Variants in MRTFB observed in about 807,000 individuals in gnomAD.
MRTFB encodes the protein myocardin-related transcription factor B.
Under a neutral mutation model 104.2 loss-of-function variants are expected in MRTFB, and 29 were observed. The observed-to-expected ratio is 0.28, with a 90% confidence interval of 0.21 to 0.38. MRTFB has a LOEUF of 0.38. MRTFB is among the 10% of genes least tolerant of loss of function. The probability of loss-of-function intolerance (pLI) is 1.00; values close to 1 mark genes in which losing one functional copy is unlikely to be tolerated. For synonymous variants in MRTFB, 535 were observed against 519.5 expected, an observed-to-expected ratio of 1.03 and a Z score of -0.41; for missense variants, 1,270 against 1,341.6, an observed-to-expected ratio of 0.95 and a Z score of 0.83.
intron 6 of MRTFB, among the ~76,000 whole-genome samples, chr16:14,215,580 A>C (rs1236229330): frequency 2.6e-5 from 4 of 152,258 alleles, no homozygotes; most frequent in African/African-American, 9.6e-5. Flanking sequence ...AGAGAGGAGA[A>C]AGACAGAAGT....
At chr16:14,045,163 GC>G in the MRTFB span, among the ~76,000 whole-genome samples, 2 of 152,054 alleles carry the variant, frequency 1.3e-5, no homozygotes, top group Non-Finnish European at 2.9e-5. Context: ...CCCTCCGTAG[GC>G]TACCTGGAAC....
At chr16:14,172,865 A>G (rs530659785) in intron 3 of MRTFB, among the ~76,000 whole-genome samples, 32 of 152,212 alleles carry the variant, frequency 2.1e-4, no homozygotes, top group Non-Finnish European at 3.8e-4. Flanking sequence ...GAACTTTTCA[A>G]TTTTTAGAGT....
chr16:14,245,438 T>G (rs1400145614), intron 10 of MRTFB, 90 bp from the exon 11 acceptor site: 1 of 1,119,914 alleles, frequency 8.9e-7, no homozygotes, highest in African/African-American at 1.6e-5. Flanking sequence ...GGTATTTTTC[T>G]CTTCATAAGT....
chr16:14,137,115 A>G (rs1254693155), intron 2 of MRTFB, among the ~76,000 whole-genome samples: 1 of 152,172 alleles, frequency 6.6e-6, no homozygotes, highest in African/African-American at 2.4e-5. Context: ...CTATACAGAG[A>G]GTAGTCAATT....
chr16:14,029,881 G>A, the MRTFB span, among the ~76,000 whole-genome samples: 1 of 152,204 alleles, frequency 6.6e-6, no homozygotes, highest in Non-Finnish European at 1.5e-5. Flanking sequence ...TGCAGCCTCC[G>A]CAGGCTCATT....
chr16:14,130,883 A>G (rs557509911), intron 2 of MRTFB, among the ~76,000 whole-genome samples: 1 of 152,242 alleles, frequency 6.6e-6, no homozygotes, highest in South Asian at 2.1e-4. Flanking sequence ...ACCTTATAAA[A>G]TTATCAGATC....
chr16:14,261,503 G>T lies in MRTFB; in HGVS notation c.*59G>T. The T allele has an allele frequency of 2.7e-6, 4 of 1,478,692 alleles. No individual in the cohort carries two copies. Among genetic ancestry groups the T allele is most frequent in the East Asian group, 2.3e-5 (1 of 43,686 alleles). The allele number at this position is 1,478,692 out of a possible 1,614,324, so 91.6% of individuals were successfully genotyped here. A position where few individuals can be genotyped will look rare whatever the true frequency, so the allele number is the denominator to read the frequency against. ...TTTAAGAACATGAAGATTCTAAAAG[G>T]TCAGTTTTTAGAGATAGATCTATAG... On this transcript the variant is annotated 3_prime_UTR_variant, in exon 17 of 17. Transcript: ENST00000571589.
intron 8 of MRTFB, among the ~76,000 whole-genome samples, chr16:14,225,046 T>TGGGC (rs2041936404): frequency 6.6e-6 from 1 of 151,942 alleles, no homozygotes; most frequent in African/African-American, 2.4e-5. Flanking sequence ...ATTAGCCAGA[T>TGGGC]GTGGTGGCGC....
chr16:14,112,277 G>A (rs1339212533), intron 2 of MRTFB, among the ~76,000 whole-genome samples: 1 of 152,178 alleles, frequency 6.6e-6, no homozygotes, highest in Non-Finnish European at 1.5e-5. Context: ...AGATAGCTAG[G>A]AGGCAGTGGT....
chr16:14,220,451 G>C (rs2151222635), intron 8 of MRTFB, among the ~76,000 whole-genome samples: 1 of 152,290 alleles, frequency 6.6e-6, no homozygotes, highest in East Asian at 1.9e-4. Context: ...TCACCTGCAT[G>C]AAAGATTATA....
the MRTFB span, among the ~76,000 whole-genome samples, chr16:14,051,814 C>T: frequency 6.6e-6 from 1 of 152,140 alleles, no homozygotes; most frequent in African/African-American, 2.4e-5. Context: ...CCCCAAACAT[C>T]CTTCCTTTCC....
the MRTFB span, among the ~76,000 whole-genome samples, chr16:14,014,898 C>T: frequency 3.6e-4 from 54 of 152,060 alleles, no homozygotes; most frequent in East Asian, 2.7e-3. Context: ...ACTCTCAGTT[C>T]GGTGTCTAAC....
In MRTFB at chr16:14,260,758, G is replaced by A. The variant is rs1301891682; in HGVS notation, c.2765-151G>A. ...ATCATCCTAAAGGTTGTCAAGGATT[G>A]TACCTGACCAATAGCATTCTCTTCC... On this transcript the variant is annotated intron_variant, in intron 16 of 16. Coordinates refer to ENST00000571589, the MANE Select transcript of MRTFB (RefSeq NM_001308142.2). The A allele has an allele frequency of 7.8e-6, 5 of 637,730 alleles. No individual in the cohort carries two copies. The South Asian group carries it at 8.3e-5, about 11-fold the overall frequency. 39.5% of individuals were successfully genotyped at this position (637,730 alleles called of 1,614,324 possible).
chr16:14,128,796 CATT>C (rs2037291382), intron 2 of MRTFB, among the ~76,000 whole-genome samples: 1 of 152,172 alleles, frequency 6.6e-6, no homozygotes, highest in Non-Finnish European at 1.5e-5. Context: ...TGTACAGTAT[CATT>C]GTTTTAATTA....
At chr16:14,150,121 A>G (rs550208587) in intron 3 of MRTFB, among the ~76,000 whole-genome samples, 1 of 152,312 alleles carries the variant, frequency 6.6e-6, no homozygotes. Context: ...CCCTAAGCCT[A>G]GATCTTAGCC....
At chr16:14,086,001 A>G (rs2034682886) in intron 2 of MRTFB, among the ~76,000 whole-genome samples, 1 of 152,236 alleles carries the variant, frequency 6.6e-6, no homozygotes, top group Non-Finnish European at 1.5e-5. Context: ...TTTATGTTTC[A>G]TAGTATAGAC....
At chr16:14,161,075 A>G (rs1424794262) in intron 3 of MRTFB, among the ~76,000 whole-genome samples, 1 of 140,426 alleles carries the variant, frequency 7.1e-6, no homozygotes, top group Non-Finnish European at 1.5e-5. Context: ...TTTAGTAGGT[A>G]ATGCCAGGAC....
At chr16:14,169,460 T>G (rs965627752) in intron 3 of MRTFB, among the ~76,000 whole-genome samples, 7 of 152,146 alleles carry the variant, frequency 4.6e-5, no homozygotes, top group African/African-American at 1.7e-4. Context: ...TTTAACCTCG[T>G]TTTTGTCTTT....
intron 2 of MRTFB, among the ~76,000 whole-genome samples, chr16:14,097,148 C>G (rs1241111823): frequency 6.6e-6 from 1 of 152,190 alleles, no homozygotes; most frequent in Non-Finnish European, 1.5e-5. Context: ...TGCAGAGTGG[C>G]CTTGCAGTTC....
Sources: allele counts gnomAD v4.1 joint callset (sites outside exome capture counted in the v4.1 genomes callset), GRCh38; gene constraint gnomAD v4.1.1; transcripts MANE v1.5; gene names NCBI Gene and HGNC (gene_info 2026-07-23, HGNC 2026-07-21).